Variants in KCNN3 observed in about 807,000 individuals in gnomAD.
KCNN3 encodes the protein small conductance calcium-activated potassium channel protein 3.
Under a neutral mutation model 62.9 loss-of-function variants are expected in KCNN3, and 16 were observed. That is an observed-to-expected ratio of 0.25 (90% CI 0.17 to 0.39). The LOEUF is 0.39. Among genes scored for constraint, KCNN3 ranks in the 10% least tolerant of loss-of-function variants. The pLI is 1.00. For synonymous variants in KCNN3, 370 were observed against 389.2 expected (o/e 0.95, Z 0.58); for missense variants, 599 against 949.4 (o/e 0.63, Z 4.85).
chr1:154,829,597 C>G (rs1337420518), intron 1 of KCNN3, among the ~76,000 whole-genome samples: 1 of 152,312 alleles, frequency 6.6e-6, no homozygotes, highest in South Asian at 2.1e-4. Context: ...TCCTCTCAGT[C>G]CCAGGAGCCA....
Position 154,804,087 on chromosome 1 carries a change from C to T in KCNN3, c.1029+18002G>A, listed in dbSNP as rs75081102. ...ACCACCCTCTGCAGTGGACTCCAGC[C>T]GCTCTCTGGGATGCACCTTGAAAGG... On this transcript the variant is annotated intron_variant, in intron 2 of 7. Transcript: ENST00000271915. 2.7e-3 allele frequency among the ~76,000 whole-genome samples: 404 copies of T among 152,326 alleles called. 11 individuals carry two copies. The East Asian group carries it at 0.069, about 26-fold the overall frequency.
intron 2 of KCNN3, among the ~76,000 whole-genome samples, chr1:154,806,785 A>G (rs1183410858): frequency 6.6e-6 from 1 of 152,138 alleles, no homozygotes; most frequent in Non-Finnish European, 1.5e-5. Flanking sequence ...AATAAATCTT[A>G]TGTCAGCTCA....
At chr1:154,730,383 C>CA (rs918296683) in intron 4 of KCNN3, among the ~76,000 whole-genome samples, 4 of 152,232 alleles carry the variant, frequency 2.6e-5, no homozygotes, top group African/African-American at 9.6e-5. Context: ...CCTTCCCAAG[C>CA]AGGCCTTGCC....
rs1650297089 is a variant in KCNN3 at position 154,809,050 on chromosome 1, T to C, written c.1029+13039A>G. ...ATCTCTGGTTTGTGGCTGTGCCTGATGTAGTCACAGGTCAGTGGTCATAGC... is the reference window on the plus strand; with the variant it reads ...ATCTCTGGTTTGTGGCTGTGCCTGACGTAGTCACAGGTCAGTGGTCATAGC... On this transcript the variant is annotated intron_variant, in intron 2 of 7. Coordinates refer to ENST00000271915, the MANE Select transcript of KCNN3 (RefSeq NM_002249.6). The surrounding 1 kb of genome is among the most constrained non-coding windows in gnomAD (Gnocchi z 4.3). Among the ~76,000 whole-genome samples the C allele has an allele frequency of 6.6e-6, 1 of 152,182 alleles. No individual in the cohort carries two copies. Among genetic ancestry groups the C allele is most frequent in the Non-Finnish European group, 1.5e-5 (1 of 68,026 alleles).
intron 5 of KCNN3, among the ~76,000 whole-genome samples, chr1:154,721,610 T>A (rs1317617788): frequency 6.6e-6 from 1 of 151,984 alleles, no homozygotes; most frequent in South Asian, 2.1e-4. Flanking sequence ...CCACTCTACC[T>A]CTTATAAGAA....
chr1:154,738,626 C>T (rs1472371499), intron 3 of KCNN3, among the ~76,000 whole-genome samples: 2 of 152,144 alleles, frequency 1.3e-5, no homozygotes, highest in East Asian at 1.9e-4. Flanking sequence ...GAGGACAACC[C>T]GTCCGGGCTG....
At chr1:154,830,175 A>G (rs150494188) in intron 1 of KCNN3, among the ~76,000 whole-genome samples, 1 of 152,328 alleles carries the variant, frequency 6.6e-6, no homozygotes, top group East Asian at 1.9e-4. Flanking sequence ...AGGTGATGAA[A>G]GTAACAGCTA....
intron 7 of KCNN3, among the ~76,000 whole-genome samples, chr1:154,710,878 CTT>C (rs1318801827): frequency 6.6e-6 from 1 of 152,144 alleles, no homozygotes; most frequent in African/African-American, 2.4e-5. Context: ...AATAGGAACA[CTT>C]TTACACTGTT....
chr1:154,726,018 G>GCCTGCAC lies in KCNN3; in HGVS notation c.1592_1598dup (p.Thr535ArgfsTer25). On this transcript the variant is annotated frameshift_variant, in exon 5 of 8. Transcript: ENST00000271915. LOFTEE classifies it high-confidence loss of function. ...CCACGGCCACCACAAGGGCAGTGCA[G>GCCTGCAC]CCTGCACCCTGCGGGGGGACATCAA... The GCCTGCAC allele has an allele frequency of 6.2e-7, 1 of 1,613,610 alleles. No homozygotes were observed. Among genetic ancestry groups the GCCTGCAC allele is most frequent in the Non-Finnish European group, 8.5e-7 (1 of 1,179,618 alleles).
Position 154,813,500 on chromosome 1 carries a change from G to A in KCNN3, c.1029+8589C>T, listed in dbSNP as rs931319003. Reference sequence around the variant, plus strand: ...GCACCGCCTTCCCATTCACAAACACGGACTCTTCCCGAAACCAGTCTCCCC... The same window carrying A: ...GCACCGCCTTCCCATTCACAAACACAGACTCTTCCCGAAACCAGTCTCCCC... On this transcript the variant is annotated intron_variant, in intron 2 of 7. Transcript: ENST00000271915. Among the ~76,000 whole-genome samples, 5 of 152,178 alleles carry A rather than the reference G, an allele frequency of 3.3e-5. No homozygotes were observed. In the South Asian group the frequency reaches 8.3e-4, roughly 25 times the overall value.
chr1:154,835,448 G>T (rs1459703197), intron 1 of KCNN3, among the ~76,000 whole-genome samples: 6 of 152,176 alleles, frequency 3.9e-5, no homozygotes, highest in African/African-American at 1.4e-4. Context: ...CCCACTATGT[G>T]CACTCCATTA....
chr1:154,799,941 C>G (rs934724842), intron 2 of KCNN3, among the ~76,000 whole-genome samples: 2 of 152,236 alleles, frequency 1.3e-5, no homozygotes, highest in African/African-American at 2.4e-5. Context: ...CTGCATGGTC[C>G]TGGGCAGGTC....
intron 1 of KCNN3, among the ~76,000 whole-genome samples, chr1:154,847,209 C>T (rs372223310): frequency 6.6e-5 from 10 of 151,994 alleles, no homozygotes; most frequent in Middle Eastern, 6.8e-3. Context: ...TCACTACCCC[C>T]CCCTGCCCTC....
At chr1:154,863,797 TG>T (rs1361338623) in intron 1 of KCNN3, among the ~76,000 whole-genome samples, 2 of 152,234 alleles carry the variant, frequency 1.3e-5, no homozygotes, top group Non-Finnish European at 2.9e-5. Context: ...AGGATGCCCC[TG>T]GCGGAGCACC....
chr1:154,731,769 G>C (rs921857624), intron 4 of KCNN3, among the ~76,000 whole-genome samples: 2 of 152,072 alleles, frequency 1.3e-5, no homozygotes, highest in Non-Finnish European at 2.9e-5. Context: ...GGAGGGTTGC[G>C]GTCTCCAGCC....
chr1:154,851,958 G>A (rs1652316821), intron 1 of KCNN3, among the ~76,000 whole-genome samples: 1 of 152,160 alleles, frequency 6.6e-6, no homozygotes, highest in Non-Finnish European at 1.5e-5. Flanking sequence ...CGCCTCCCCT[G>A]TGACCTCACA....
chr1:154,734,301 T>C (rs936101490), intron 3 of KCNN3, among the ~76,000 whole-genome samples: 1 of 152,148 alleles, frequency 6.6e-6, no homozygotes, highest in Non-Finnish European at 1.5e-5. Context: ...AAATCTCCTC[T>C]TAACCACTTG....
At chr1:154,715,969 A>G (rs1205436610) in intron 5 of KCNN3, among the ~76,000 whole-genome samples, 1 of 152,260 alleles carries the variant, frequency 6.6e-6, no homozygotes, top group Non-Finnish European at 1.5e-5. Flanking sequence ...GCAATTGTAC[A>G]TGTAAATGTA....
At chr1:154,723,869 A>AC (rs1209571504) in intron 5 of KCNN3, among the ~76,000 whole-genome samples, 1 of 152,222 alleles carries the variant, frequency 6.6e-6, no homozygotes, top group Non-Finnish European at 1.5e-5. Flanking sequence ...TAACTTGAAT[A>AC]ATTTCCTCAA....
Sources: allele counts gnomAD v4.1 joint callset (sites outside exome capture counted in the v4.1 genomes callset), GRCh38; gene constraint gnomAD v4.1.1; non-coding constraint Gnocchi (gnomAD v3.1); transcripts MANE v1.5; gene names NCBI Gene and HGNC (gene_info 2026-07-23, HGNC 2026-07-21).